PPP2R2B: variants seen among roughly 807,000 people sequenced by gnomAD.
PPP2R2B encodes the protein protein phosphatase 2 regulatory subunit Bbeta.
PPP2R2B carries 5 observed loss-of-function variants against 46.0 expected under a neutral mutation model. The ratio of observed to expected loss-of-function variants is 0.11; its 90% CI spans 0.06 to 0.23. The LOEUF is 0.23. Among genes scored for constraint, PPP2R2B ranks in the 10% least tolerant of loss-of-function variants. The pLI is 1.00. For synonymous variants in PPP2R2B, 215 were observed against 206.7 expected (o/e 1.04, Z -0.34); for missense variants, 367 against 575.0 (o/e 0.64, Z 3.70).
chr5:147,041,938 G>A (rs922967227), intron 1 of PPP2R2B, among the ~76,000 whole-genome samples: 3 of 151,992 alleles, frequency 2.0e-5, no homozygotes, highest in Non-Finnish European at 4.4e-5. Flanking sequence ...AAGAGAGCCA[G>A]ACAGACTCCA....
chr5:146,799,049 C>T (rs950544493), intron 2 of PPP2R2B, among the ~76,000 whole-genome samples: 2 of 152,098 alleles, frequency 1.3e-5, no homozygotes, highest in African/African-American at 4.8e-5. Context: ...TAGAAAATAT[C>T]CTCTGATTCC....
intron 2 of PPP2R2B, among the ~76,000 whole-genome samples, chr5:147,072,927 C>A (rs2151911729): frequency 6.6e-6 from 1 of 152,318 alleles, no homozygotes; most frequent in South Asian, 2.1e-4. Context: ...GCCAGTCTTA[C>A]TCTAGCAAGC....
chr5:146,920,524 T>C (rs1453343863), intron 1 of PPP2R2B, among the ~76,000 whole-genome samples: 1 of 152,170 alleles, frequency 6.6e-6, no homozygotes, highest in Non-Finnish European at 1.5e-5. Flanking sequence ...TGCCACCTGA[T>C]TGCTTTGTTC....
chr5:147,073,573 G>A (rs1463464660), intron 2 of PPP2R2B, among the ~76,000 whole-genome samples: 2 of 152,282 alleles, frequency 1.3e-5, no homozygotes, highest in South Asian at 2.1e-4. Context: ...TTCAGTGCCC[G>A]AGGCAGAGAA....
chr5:146,845,139 T>G (rs1759906416), intron 2 of PPP2R2B, among the ~76,000 whole-genome samples: 1 of 152,130 alleles, frequency 6.6e-6, no homozygotes, highest in Non-Finnish European at 1.5e-5. Flanking sequence ...CTTGATTAGC[T>G]TTCCCACCAA....
chr5:146,638,441 A>C (rs1774966921), intron 6 of PPP2R2B, 26 bp from the exon 7 acceptor site: 1 of 1,559,930 alleles, frequency 6.4e-7, no homozygotes, highest in Non-Finnish European at 8.8e-7. Flanking sequence ...CAAGGAAGGA[A>C]CCAGGAGAAG....
At chr5:146,936,287 T>C (rs554583963) in intron 1 of PPP2R2B, among the ~76,000 whole-genome samples, 59 of 152,264 alleles carry the variant, frequency 3.9e-4, no homozygotes, top group African/African-American at 1.4e-3. Context: ...ACAATCATTG[T>C]GCCCATCCAT....
intron 1 of PPP2R2B, among the ~76,000 whole-genome samples, chr5:147,037,041 G>C (rs1272575459): frequency 2.0e-5 from 3 of 152,140 alleles, no homozygotes; most frequent in Admixed American, 6.5e-5. Flanking sequence ...GTATGCCAGA[G>C]AGGTGAAGTA....
At chr5:147,035,096 GTTCT>G in intron 1 of PPP2R2B, 1 of 455,568 alleles carries the variant, frequency 2.2e-6, no homozygotes. Flanking sequence ...GCATTAGTTC[GTTCT>G]CACACAGCTA....
intron 1 of PPP2R2B, chr5:147,054,740 T>A: frequency 2.2e-6 from 1 of 455,738 alleles, no homozygotes; most frequent in East Asian, 7.0e-5. Context: ...TAGACATGAG[T>A]TGGAGTCACA....
At chr5:146,947,406 T>A (rs1480313810) in intron 1 of PPP2R2B, among the ~76,000 whole-genome samples, 1 of 152,134 alleles carries the variant, frequency 6.6e-6, no homozygotes, top group Non-Finnish European at 1.5e-5. Context: ...AGCACGTGAC[T>A]GAAATCTGGT....
intron 2 of PPP2R2B, among the ~76,000 whole-genome samples, chr5:146,742,154 CG>C (rs1324740242): frequency 2.6e-5 from 4 of 152,110 alleles, no homozygotes; most frequent in Non-Finnish European, 4.4e-5. Context: ...CAACAGCCGC[CG>C]GGGGGAACTT....
intron 6 of PPP2R2B, among the ~76,000 whole-genome samples, chr5:146,641,528 T>G (rs1775216128): frequency 1.2e-5 from 1 of 84,404 alleles, no homozygotes; most frequent in African/African-American, 4.5e-5. Context: ...TTTTTTTTTT[T>G]TGAAGCAGAA....
intron 2 of PPP2R2B, among the ~76,000 whole-genome samples, chr5:146,837,001 G>T (rs1759326782): frequency 6.6e-6 from 1 of 152,154 alleles, no homozygotes; most frequent in African/African-American, 2.4e-5. Context: ...ACAACTAGCA[G>T]CACCAATAAT....
At chr5:146,750,081 AC>A (rs1753461949) in intron 2 of PPP2R2B, among the ~76,000 whole-genome samples, 1 of 148,906 alleles carries the variant, frequency 6.7e-6, no homozygotes, top group African/African-American at 2.4e-5. Flanking sequence ...TTTGTAAAAA[AC>A]AAACAAACAA....
At chr5:147,068,219 G>A (rs992437788) in intron 2 of PPP2R2B, among the ~76,000 whole-genome samples, 13 of 152,042 alleles carry the variant, frequency 8.6e-5, no homozygotes, top group Non-Finnish European at 1.5e-4. Flanking sequence ...GCTTTGTGTC[G>A]ATTATTTTAT....
intron 2 of PPP2R2B, among the ~76,000 whole-genome samples, chr5:146,759,420 C>T (rs1056569851): frequency 7.9e-5 from 12 of 152,154 alleles, no homozygotes; most frequent in African/African-American, 2.4e-4. Flanking sequence ...AATTATCCAT[C>T]GCAGAAAACT....
At chr5:146,730,754 T>C (rs1026926236) in intron 2 of PPP2R2B, among the ~76,000 whole-genome samples, 3 of 152,206 alleles carry the variant, frequency 2.0e-5, no homozygotes, top group Non-Finnish European at 4.4e-5. Context: ...CCCAGACATG[T>C]GGAACTGTAA....
intron 2 of PPP2R2B, among the ~76,000 whole-genome samples, chr5:146,802,110 G>T (rs1429021068): frequency 1.3e-5 from 2 of 152,162 alleles, no homozygotes; most frequent in East Asian, 1.9e-4. Flanking sequence ...AACACCCAAT[G>T]GTTCTTGGAG....
Sources: allele counts gnomAD v4.1 joint callset (sites outside exome capture counted in the v4.1 genomes callset), GRCh38; gene constraint gnomAD v4.1.1; transcripts MANE v1.5; gene names NCBI Gene and HGNC (gene_info 2026-07-23, HGNC 2026-07-21).